Variants in VTA1 observed in about 807,000 individuals in gnomAD.
VTA1 encodes vesicle trafficking 1.
VTA1 carries 24 observed loss-of-function variants against 36.9 expected under a neutral mutation model. The ratio of observed to expected loss-of-function variants is 0.65; its 90% CI spans 0.47 to 0.91. The LOEUF is 0.91. VTA1 is among the 40% of genes least tolerant of loss of function. The pLI, the probability that VTA1 is intolerant of heterozygous loss-of-function variation, is 0.00. For missense variants in VTA1, 393 were observed against 377.2 expected (o/e 1.04, Z -0.35); for synonymous variants, 142 against 130.2 (o/e 1.09, Z -0.62).
chr6:142,184,967 T>C (rs1415170141), intron 4 of VTA1, among the ~76,000 whole-genome samples: 1 of 152,174 alleles, frequency 6.6e-6, no homozygotes, highest in African/African-American at 2.4e-5. Context: ...GCATTTAATA[T>C]GTATCTTCTA....
rs780166057 is a variant in VTA1 at position 142,147,299 on chromosome 6, T to C, written c.12T>C (p.Leu4=). Residue 4 remains leucine, a synonymous_variant, in exon 1 of 8, where the codon CTT becomes CTC. Coordinates refer to ENST00000367630, the MANE Select transcript of VTA1 (RefSeq NM_016485.5). ...AGTTCGGAGTAGAGATGGCCGCGCT[T>C]GCACCGCTGCCCCCGCTCCCCGCAC... The part of the protein sequence containing the change: MAA[L]APLPPLPAQF... 14 of 1,614,194 alleles carry C rather than the reference T, an allele frequency of 8.7e-6. No individual in the cohort carries two copies. In the South Asian group the frequency reaches 1.2e-4, roughly 14 times the overall value.
chr6:142,197,172 G>A (rs896046218), intron 5 of VTA1, among the ~76,000 whole-genome samples: 2 of 152,132 alleles, frequency 1.3e-5, no homozygotes, highest in African/African-American at 4.8e-5. Flanking sequence ...TTCCCAGAAT[G>A]TATAAATGTT....
chr6:142,182,171 G>A (rs1051053445), intron 4 of VTA1, among the ~76,000 whole-genome samples: 3 of 152,188 alleles, frequency 2.0e-5, no homozygotes, highest in African/African-American at 7.2e-5. Flanking sequence ...TCATGCTAAT[G>A]TGTATTGCAT....
intron 1 of VTA1, among the ~76,000 whole-genome samples, chr6:142,157,113 G>A (rs1480167681): frequency 2.0e-5 from 3 of 152,292 alleles, no homozygotes; most frequent in African/African-American, 4.8e-5. Flanking sequence ...GCAGTGAGCC[G>A]AGATTGCGCC....
intron 1 of VTA1, among the ~76,000 whole-genome samples, chr6:142,149,476 A>G (rs1391198717): frequency 2.0e-5 from 3 of 152,190 alleles, no homozygotes; most frequent in Non-Finnish European, 2.9e-5. Flanking sequence ...GAAATCTGCA[A>G]TTCTCTGAGT....
At position 142,195,216 on chromosome 6, in the gene VTA1, C is replaced by T. The variant is rs180964303; in HGVS notation, c.521-3223C>T. Among the ~76,000 whole-genome samples the T allele has an allele frequency of 2.2e-4, 34 of 152,204 alleles. 1 individual carries two copies. In the East Asian group the frequency reaches 6.0e-3, roughly 27 times the overall value. On this transcript the variant is annotated intron_variant, in intron 5 of 7. Transcript: ENST00000367630. ...CACTGCTTATTCCATCTAGGCTCTG[C>T]ATTTTCTTTGTAGGAGGGTTTTTAA...
chr6:142,195,595 C>CTTTTTTTTTTTTTTTTTTTTTTTTTT (rs72442499), intron 5 of VTA1, among the ~76,000 whole-genome samples: 1 of 70,708 alleles, frequency 1.4e-5, no homozygotes, highest in Admixed American at 1.5e-4. Context: ...GTTTAATTTG[C>CTTTTTTTTTTTTTTTTTTTTTTTTTT]TTTTTTTTTT....
In VTA1 at chr6:142,219,431, C is replaced by G. The variant is rs540797925; in HGVS notation, c.*788C>G. 1 of 152,302 alleles carries G rather than the reference C, an allele frequency of 6.6e-6. No homozygotes were observed. Among genetic ancestry groups the G allele is most frequent in the African/African-American group, 2.4e-5 (1 of 41,574 alleles). 9.4% of individuals were successfully genotyped at this position (152,302 alleles called of 1,614,324 possible). A position where few individuals can be genotyped will look rare whatever the true frequency, so the allele number is the denominator to read the frequency against. ...TTTAAATTAAGGTACTCCTCTGCTG[C>G]TGTAGAATGGATTCCACACAGTGGA... On this transcript the variant is annotated 3_prime_UTR_variant, in exon 8 of 8. Transcript: ENST00000367630.
At chr6:142,201,550 C>T (rs1479937508) in intron 6 of VTA1, among the ~76,000 whole-genome samples, 1 of 151,768 alleles carries the variant, frequency 6.6e-6, no homozygotes, top group African/African-American at 2.4e-5. Context: ...GAAACATAAG[C>T]TTTTTATAGT....
At chr6:142,158,070 G>A (rs1439804225) in intron 1 of VTA1, among the ~76,000 whole-genome samples, 3 of 147,238 alleles carry the variant, frequency 2.0e-5, no homozygotes, top group African/African-American at 5.0e-5. Flanking sequence ...TAGCTCCCCC[G>A]AGAGGCAGTA....
intron 5 of VTA1, among the ~76,000 whole-genome samples, chr6:142,192,649 C>G (rs1300885132): frequency 6.6e-5 from 10 of 151,776 alleles, no homozygotes; most frequent in Admixed American, 6.6e-4. Context: ...TTCTCTCTCC[C>G]CACTCCCCCT....
At chr6:142,161,082 C>A (rs970037198) in intron 1 of VTA1, among the ~76,000 whole-genome samples, 2 of 139,216 alleles carry the variant, frequency 1.4e-5, no homozygotes, top group African/African-American at 5.4e-5. Flanking sequence ...CTTCCTTCCC[C>A]CCCCCCCCTT....
chr6:142,149,741 CCTT>C (rs1249044102), intron 1 of VTA1, among the ~76,000 whole-genome samples: 7 of 152,058 alleles, frequency 4.6e-5, no homozygotes, highest in Non-Finnish European at 8.8e-5. Context: ...TAGGACTTAA[CCTT>C]CTGATTTTAT....
At chr6:142,211,335 A>C (rs1775898602) in intron 7 of VTA1, among the ~76,000 whole-genome samples, 1 of 152,236 alleles carries the variant, frequency 6.6e-6, no homozygotes, top group African/African-American at 2.4e-5. Flanking sequence ...TAAAACATGT[A>C]AAAGATAGCA....
chr6:142,153,649 A>G (rs1026651036), intron 1 of VTA1, among the ~76,000 whole-genome samples: 1 of 152,176 alleles, frequency 6.6e-6, no homozygotes, highest in African/African-American at 2.4e-5. Context: ...GAATGTTGAA[A>G]TAATGTATAT....
chr6:142,179,202 G>A lies in VTA1; in HGVS notation c.411+8781G>A, dbSNP rs771324702. 3.4e-4 allele frequency among the ~76,000 whole-genome samples: 51 copies of A among 152,040 alleles called. 1 individual carries two copies. Among genetic ancestry groups the A allele is most frequent in the African/African-American group, 2.4e-4 (10 of 41,506 alleles). On this transcript the variant is annotated intron_variant, in intron 4 of 7. Coordinates refer to ENST00000367630, the MANE Select transcript of VTA1 (RefSeq NM_016485.5). ...TTTTTTTAAATCAATAAAATAACAC[G>A]AATAACGAGTGGCCACATAAATTGT...
rs1483684910 is a variant in VTA1 at position 142,220,837 on chromosome 6, A to AC, written c.*2194_*2195insC. The AC allele has an allele frequency of 2.6e-5, 4 of 152,066 alleles. No homozygotes were observed. Among genetic ancestry groups the AC allele is most frequent in the African/African-American group, 9.7e-5 (4 of 41,396 alleles). The allele number at this position is 152,066 out of a possible 1,614,324, so 9.4% of individuals were successfully genotyped here. A position where few individuals can be genotyped will look rare whatever the true frequency, so the allele number is the denominator to read the frequency against. ...TATATATTTACTGAATGGCTACTAT[A>AC]TGCCTGGTATTGTTCTTTGAAAGCA... On this transcript the variant is annotated 3_prime_UTR_variant, in exon 8 of 8. Coordinates refer to ENST00000367630, the MANE Select transcript of VTA1 (RefSeq NM_016485.5).
chr6:142,210,338 G>C (rs1021515498), intron 7 of VTA1, among the ~76,000 whole-genome samples: 1 of 152,144 alleles, frequency 6.6e-6, no homozygotes, highest in African/African-American at 2.4e-5. Flanking sequence ...GAAAACATTA[G>C]AGAAATGCTC....
At chr6:142,150,936 A>C (rs913994135) in intron 1 of VTA1, among the ~76,000 whole-genome samples, 7 of 151,956 alleles carry the variant, frequency 4.6e-5, no homozygotes, top group Admixed American at 1.3e-4. Flanking sequence ...AAAGCTAAGC[A>C]TGAAAGGTTC....
Sources: gnomAD v4.1 joint callset for allele counts (sites outside exome capture counted in the v4.1 genomes callset) on GRCh38, gnomAD v4.1.1 for gene constraint, MANE v1.5 for transcripts, NCBI Gene and HGNC (gene_info 2026-07-23, HGNC 2026-07-21) for gene names.